AP1S2: variants seen among roughly 807,000 people sequenced by gnomAD.
The protein encoded by AP1S2 is adaptor related protein complex 1 subunit sigma 2.
In AP1S2, 1 loss-of-function variant was observed where a neutral mutation model predicts 14.3. The ratio of observed to expected loss-of-function variants is 0.07; its 90% CI spans 0.02 to 0.33. The LOEUF (loss-of-function observed/expected upper bound fraction) is 0.33, where lower values mean the gene tolerates loss of function less well. Ranked by LOEUF, AP1S2 falls within the 10% of genes least tolerant of loss-of-function variation. The probability of loss-of-function intolerance (pLI) is 0.99; values close to 1 mark genes in which losing one functional copy is unlikely to be tolerated. For missense variants in AP1S2, 30 were observed against 117.7 expected (o/e 0.25, Z 3.45); for synonymous variants, 30 against 40.5 (o/e 0.74, Z 0.99).
chrX:15,831,575 A>T (rs1483821014), intron 4 of AP1S2: 2 of 755,926 alleles, frequency 2.6e-6, no homozygotes, highest in African/African-American at 4.7e-5. Flanking sequence ...GTGGCTACAA[A>T]AGAAATGCAT....
chrX:15,841,894 G>A (rs111503739), intron 4 of AP1S2, among the ~76,000 whole-genome samples: 1,923 of 112,072 alleles, frequency 0.017, 38 homozygotes, highest in African/African-American at 0.057. Flanking sequence ...CAGTGGTTAA[G>A]ATTTTACACA....
intron 2 of AP1S2, among the ~76,000 whole-genome samples, chrX:15,846,997 T>G (rs1238100994): frequency 8.9e-6 from 1 of 111,981 alleles, no homozygotes; most frequent in Non-Finnish European, 1.9e-5. Flanking sequence ...TACATGTACT[T>G]AAGGCTTTTG....
chrX:15,835,652 G>T (rs1422217026), intron 4 of AP1S2, among the ~76,000 whole-genome samples: 1 of 110,709 alleles, frequency 9.0e-6, no homozygotes, highest in Non-Finnish European at 1.9e-5. Flanking sequence ...GCTCCAGATG[G>T]TTAGTGTCTA....
chrX:15,854,311 G>A (rs1025386357), intron 1 of AP1S2, among the ~76,000 whole-genome samples: 5 of 112,009 alleles, frequency 4.5e-5, no homozygotes, highest in Non-Finnish European at 7.5e-5. Context: ...GACCAAGCCC[G>A]GGAGAGGTGA....
intron 2 of AP1S2, among the ~76,000 whole-genome samples, chrX:15,850,049 T>C (rs1008377606): frequency 8.9e-6 from 1 of 112,001 alleles, no homozygotes; most frequent in Admixed American, 9.5e-5. Context: ...CTCACTTTCA[T>C]TGAACTTTAT....
At chrX:15,850,943 A>G (rs757161457) in intron 2 of AP1S2, among the ~76,000 whole-genome samples, 44 of 111,764 alleles carry the variant, frequency 3.9e-4, no homozygotes, top group African/African-American at 1.1e-3. Flanking sequence ...TGCATTCTTT[A>G]TAAAATTGAA....
intron 4 of AP1S2, chrX:15,831,393 A>C: frequency 5.5e-6 from 4 of 729,268 alleles, no homozygotes; most frequent in Non-Finnish European, 6.5e-6. Context: ...AAAAAAATAC[A>C]ATCATAAAAG....
chrX:15,831,238 A>G (rs1933427307), intron 4 of AP1S2: 1 of 734,001 alleles, frequency 1.4e-6, no homozygotes, highest in Admixed American at 8.9e-5. Context: ...AATAATATGT[A>G]TGTGTTTAAG....
At chrX:15,852,874 T>C in intron 1 of AP1S2, 1 of 749,293 alleles carries the variant, frequency 1.3e-6, no homozygotes, top group African/African-American at 2.3e-5. Flanking sequence ...GCGCACTCTC[T>C]ATATGCATCA....
intron 4 of AP1S2, chrX:15,831,830 A>C (rs1215453273): frequency 8.5e-6 from 6 of 706,570 alleles, no homozygotes; most frequent in Non-Finnish European, 8.4e-6. Flanking sequence ...AAAACACTAT[A>C]TTTACTACTA....
intron 2 of AP1S2, among the ~76,000 whole-genome samples, chrX:15,846,638 C>T (rs113465225): frequency 0.018 from 2,043 of 111,877 alleles, 40 homozygotes; most frequent in African/African-American, 0.063. Flanking sequence ...CTCTTGACTT[C>T]TAACAGAATA....
At chrX:15,829,880 C>CAACA (rs1278494366) in intron 4 of AP1S2, among the ~76,000 whole-genome samples, 1 of 111,412 alleles carries the variant, frequency 9.0e-6, no homozygotes, top group African/African-American at 3.3e-5. Flanking sequence ...ATCTGCTGCA[C>CAACA]AACAATGTGA....
chrX:15,830,375 G>A (rs773958016), intron 4 of AP1S2: 4 of 750,521 alleles, frequency 5.3e-6, no homozygotes, highest in South Asian at 1.4e-4. Flanking sequence ...TTCAAATGTC[G>A]TGCATTACAG....
At chrX:15,830,481 C>T (rs771658762) in intron 4 of AP1S2, 1 of 746,710 alleles carries the variant, frequency 1.3e-6, no homozygotes, top group East Asian at 1.5e-4. Context: ...AGTGATAAAT[C>T]GATTTGAACA....
At chrX:15,850,338 T>C (rs902450844) in intron 2 of AP1S2, among the ~76,000 whole-genome samples, 1 of 110,086 alleles carries the variant, frequency 9.1e-6, no homozygotes, top group African/African-American at 3.3e-5. Flanking sequence ...ACTCCTCCCT[T>C]TCCTTCGCTG....
At chrX:15,838,305 C>G (rs951828942) in intron 4 of AP1S2, among the ~76,000 whole-genome samples, 2 of 111,254 alleles carry the variant, frequency 1.8e-5, no homozygotes, top group African/African-American at 6.6e-5. Context: ...CCATGGGAAC[C>G]ACTGAGTTAA....
At chrX:15,834,479 T>TATATA (rs1336064800) in intron 4 of AP1S2, among the ~76,000 whole-genome samples, 2 of 23,631 alleles carry the variant, frequency 8.5e-5, no homozygotes, top group Non-Finnish European at 6.9e-5. Flanking sequence ...TATATATATA[T>TATATA]AATTTTTTTT....
In AP1S2 at chrX:15,852,976, G is replaced by A. The variant is rs1016150289; in HGVS notation, c.1-452C>T. ...ATCCTGAGGCCGTTCTAGTTCCAGG[G>A]TGAATTACTTGCAGACAGTAGCTTA... On this transcript the variant is annotated intron_variant, in intron 1 of 5. Coordinates refer to ENST00000672987, the MANE Select transcript of AP1S2 (RefSeq NM_001272071.2). 4 of 376,229 alleles carry A rather than the reference G, an allele frequency of 1.1e-5. No homozygotes were observed. In the East Asian group the frequency reaches 8.1e-4, roughly 76 times the overall value. 31.0% of individuals were successfully genotyped at this position (376,229 alleles called of 1,213,427 possible).
At chrX:15,833,901 C>T (rs1933512387) in intron 4 of AP1S2, among the ~76,000 whole-genome samples, 1 of 111,170 alleles carries the variant, frequency 9.0e-6, no homozygotes, top group Non-Finnish European at 1.9e-5. Context: ...CCTGGGCACC[C>T]GTAGGAAATA....
Sources: gnomAD v4.1 joint callset for allele counts (sites outside exome capture counted in the v4.1 genomes callset) on GRCh38, gnomAD v4.1.1 for gene constraint, MANE v1.5 for transcripts, NCBI Gene and HGNC (gene_info 2026-07-23, HGNC 2026-07-21) for gene names.